The following COL26A1 variants were observed in gnomAD, a reference collection of about 807,000 sequenced individuals.
COL26A1 encodes collagen alpha-1(XXVI) chain.
A neutral mutation model predicts 59.3 loss-of-function variants in COL26A1; 41 were observed. The observed-to-expected ratio is 0.69, with a 90% CI of 0.54 to 0.90. The LOEUF (loss-of-function observed/expected upper bound fraction) is 0.90, where lower values mean the gene tolerates loss of function less well. COL26A1 is among the 40% of genes least tolerant of loss of function. The pLI is 0.00. For missense variants in COL26A1, 612 were observed against 602.3 expected (o/e 1.02, Z -0.17); for synonymous variants, 266 against 256.0 (o/e 1.04, Z -0.37).
At chr7:101,480,639 T>C (rs1271132266) in intron 3 of COL26A1, among the ~76,000 whole-genome samples, 2 of 152,142 alleles carry the variant, frequency 1.3e-5, no homozygotes. Context: ...TAGCTGGGAC[T>C]ATAGGCGTGC....
intron 3 of COL26A1, among the ~76,000 whole-genome samples, chr7:101,456,961 G>T (rs1331615163): frequency 6.6e-6 from 1 of 152,182 alleles, no homozygotes; most frequent in Non-Finnish European, 1.5e-5. Flanking sequence ...TGAGACCGTG[G>T]TATTACAGTA....
At chr7:101,445,624 T>C (rs1387508156) in intron 2 of COL26A1, among the ~76,000 whole-genome samples, 15 of 145,634 alleles carry the variant, frequency 1.0e-4, no homozygotes, top group Non-Finnish European at 1.9e-4. Flanking sequence ...CCCAGCTGCT[T>C]GGGAGGCTGA....
chr7:101,390,206 A>G (rs1405361327), intron 1 of COL26A1, among the ~76,000 whole-genome samples: 1 of 119,964 alleles, frequency 8.3e-6, no homozygotes, highest in Non-Finnish European at 1.6e-5. Context: ...CATCCAGGCT[A>G]GGGTGCAGTG....
In COL26A1 at chr7:101,420,046, C is replaced by G. The variant is rs928262451; in HGVS notation, c.228C>G (p.Val76=). ...CQVQNGSETV[V]QRVYQSCRWP... The stretch of plus-strand genomic sequence containing the variant: ...TGCAGAATGGCTCGGAGACGGTGGT[C>G]CAGCGCGTGTACCAGAGCTGCCGGT... Residue 76 remains valine (V), a synonymous_variant, in exon 2 of 13, where the codon GTC becomes GTG. Transcript: ENST00000313669. The G allele has an allele frequency of 1.2e-6, 2 of 1,613,096 alleles. No individual in the cohort carries two copies. The highest frequency in any genetic ancestry group is 1.7e-6 in the Non-Finnish European group (2 of 1,179,814).
At chr7:101,420,593 C>G (rs1792489657) in intron 2 of COL26A1, among the ~76,000 whole-genome samples, 2 of 152,046 alleles carry the variant, frequency 1.3e-5, no homozygotes, top group Non-Finnish European at 2.9e-5. Flanking sequence ...CGAGGCCTGC[C>G]TTTCACCAGC....
At chr7:101,446,146 C>G (rs1422984529) in intron 2 of COL26A1, among the ~76,000 whole-genome samples, 1 of 151,514 alleles carries the variant, frequency 6.6e-6, no homozygotes, top group Admixed American at 6.6e-5. Flanking sequence ...ACCCACTTAT[C>G]ACCAAGGGGA....
At chr7:101,507,576 C>T (rs1794838767) in intron 3 of COL26A1, among the ~76,000 whole-genome samples, 1 of 152,084 alleles carries the variant, frequency 6.6e-6, no homozygotes. Flanking sequence ...CACACGCCAC[C>T]ATGCCTAATT....
chr7:101,499,896 A>AAAAAAAAG lies in COL26A1; in HGVS notation c.386-33186_386-33185insAAAAAAAG, dbSNP rs35819045. 3.5e-5 allele frequency among the ~76,000 whole-genome samples: 5 copies of AAAAAAAAG among 141,174 alleles called. 1 individual carries two copies. The highest frequency in any genetic ancestry group is 5.5e-5 in the African/African-American group (2 of 36,438). The allele number at this position is 141,174 out of a possible 152,430, so 92.6% of individuals were successfully genotyped here. On this transcript the variant is annotated intron_variant, in intron 3 of 12. Coordinates refer to ENST00000313669, the MANE Select transcript of COL26A1 (RefSeq NM_001278563.3). ...CCCTGCCTTAAAAAAAAAAAAAAAAACACCTTTGTTATGGTTTCCTGTGCT... is the reference window on the plus strand; with the variant it reads ...CCCTGCCTTAAAAAAAAAAAAAAAAAAAAAAAAGCACCTTTGTTATGGTTTCCTGTGCT...
intron 2 of COL26A1, among the ~76,000 whole-genome samples, chr7:101,433,931 A>G (rs1226876889): frequency 6.6e-6 from 1 of 152,074 alleles, no homozygotes; most frequent in East Asian, 1.9e-4. Flanking sequence ...GTGCTCAACA[A>G]TGTTCATTAA....
intron 3 of COL26A1, among the ~76,000 whole-genome samples, chr7:101,489,921 G>GCTTGCTTGCTTGCTTGCTTGCT (rs1794419222): frequency 2.3e-5 from 1 of 43,438 alleles, no homozygotes; most frequent in East Asian, 3.7e-4. Flanking sequence ...TTTCTTTCTT[G>GCTTGCTTGCTTGCTTGCTTGCT]TCTCTCTCTC....
intron 1 of COL26A1, among the ~76,000 whole-genome samples, chr7:101,378,206 C>A (rs1299164863): frequency 6.6e-6 from 1 of 152,062 alleles, no homozygotes; most frequent in African/African-American, 2.4e-5. Context: ...ATGTTGAAAC[C>A]CTGTCTCTAC....
At chr7:101,409,826 T>C (rs1792203175) in intron 1 of COL26A1, among the ~76,000 whole-genome samples, 1 of 152,150 alleles carries the variant, frequency 6.6e-6, no homozygotes, top group Admixed American at 6.6e-5. Context: ...AGTGGTGTGA[T>C]CTCTGCTCAC....
chr7:101,509,750 C>T (rs562041272), intron 3 of COL26A1, among the ~76,000 whole-genome samples: 14 of 151,774 alleles, frequency 9.2e-5, no homozygotes, highest in African/African-American at 2.2e-4. Flanking sequence ...TTTTTTTTGA[C>T]GGGGCCTCAC....
chr7:101,534,676 C>T (rs983746607), intron 4 of COL26A1, among the ~76,000 whole-genome samples: 23 of 144,796 alleles, frequency 1.6e-4, no homozygotes, highest in Non-Finnish European at 2.6e-4. Flanking sequence ...CACACACACA[C>T]ATGACACAAC....
chr7:101,385,246 TATATAC>T (rs1791539674), intron 1 of COL26A1, among the ~76,000 whole-genome samples: 3 of 145,146 alleles, frequency 2.1e-5, no homozygotes, highest in African/African-American at 7.5e-5. Context: ...TATATATATA[TATATAC>T]ACACACACAC....
chr7:101,414,335 C>T (rs1442510108), intron 1 of COL26A1, among the ~76,000 whole-genome samples: 2 of 151,992 alleles, frequency 1.3e-5, no homozygotes, highest in Non-Finnish European at 2.9e-5. Flanking sequence ...CTAGAACCCT[C>T]GGGCGGATCT....
intron 3 of COL26A1, among the ~76,000 whole-genome samples, chr7:101,524,103 C>G (rs56375194): frequency 6.6e-6 from 1 of 151,946 alleles, no homozygotes; most frequent in African/African-American, 2.4e-5. Context: ...AACCCTGTCT[C>G]TACTAAAAAT....
chr7:101,458,751 T>C (rs1396749952), intron 3 of COL26A1, among the ~76,000 whole-genome samples: 1 of 151,978 alleles, frequency 6.6e-6, no homozygotes, highest in Non-Finnish European at 1.5e-5. Context: ...AAATAAGAGA[T>C]TTGTCCAAGT....
Position 101,557,641 on chromosome 7 carries a change from T to C in COL26A1, c.*111T>C. 8.8e-7 allele frequency: 1 copy of C among 1,136,512 alleles called. No individual in the cohort carries two copies. Among genetic ancestry groups the C allele is most frequent in the Non-Finnish European group, 1.2e-6 (1 of 818,462 alleles). The allele number at this position is 1,136,512 out of a possible 1,614,324, so 70.4% of individuals were successfully genotyped here. On this transcript the variant is annotated 3_prime_UTR_variant, in exon 13 of 13. Coordinates refer to ENST00000313669, the MANE Select transcript of COL26A1 (RefSeq NM_001278563.3). Reference sequence around the variant, plus strand: ...AGGGGAACTGGGCTCCAGGCATGGATGATTGTGAGGACATGGGGGGCTTTG... The same window carrying C: ...AGGGGAACTGGGCTCCAGGCATGGACGATTGTGAGGACATGGGGGGCTTTG...
Sources: gnomAD v4.1 joint callset for allele counts (sites outside exome capture counted in the v4.1 genomes callset) on GRCh38, gnomAD v4.1.1 for gene constraint, MANE v1.5 for transcripts, NCBI Gene and HGNC (gene_info 2026-07-23, HGNC 2026-07-21) for gene names.